DAP: variants seen among roughly 807,000 people sequenced by gnomAD.
DAP encodes death-associated protein 1.
Under a neutral mutation model 13.8 loss-of-function variants are expected in DAP, and 8 were observed. The observed-to-expected ratio is 0.58, with a 90% CI of 0.34 to 1.05. The LOEUF is 1.05. Among genes scored for constraint, DAP ranks in the 50% least tolerant of loss-of-function variants. The pLI is 0.03. For synonymous variants in DAP, 47 were observed against 47.5 expected, an observed-to-expected ratio of 0.99 and a Z score of 0.04; for missense variants, 106 against 133.2, an observed-to-expected ratio of 0.80 and a Z score of 1.01.
chr5:10,712,583 T>G (rs1021627472), intron 2 of DAP, among the ~76,000 whole-genome samples: 3 of 152,004 alleles, frequency 2.0e-5, no homozygotes, highest in Non-Finnish European at 4.4e-5. Context: ...ATGGAAAAGG[T>G]AGACATTGAT....
intron 2 of DAP, among the ~76,000 whole-genome samples, chr5:10,693,124 G>A (rs1036905073): frequency 1.2e-4 from 18 of 148,972 alleles, no homozygotes; most frequent in Admixed American, 6.7e-4. Flanking sequence ...ACATGCACAC[G>A]CACACACACA....
intron 2 of DAP, among the ~76,000 whole-genome samples, chr5:10,700,937 T>C (rs955336463): frequency 6.6e-6 from 1 of 152,242 alleles, no homozygotes; most frequent in Non-Finnish European, 1.5e-5. Context: ...AAAACAGAAC[T>C]TTCCCAGAAA....
intron 2 of DAP, among the ~76,000 whole-genome samples, chr5:10,706,688 A>G (rs2126648681): frequency 6.6e-6 from 1 of 152,366 alleles, no homozygotes; most frequent in East Asian, 1.9e-4. Flanking sequence ...TTTATGAGAC[A>G]AAAATGATGA....
At chr5:10,682,257 C>T (rs565738321) in intron 3 of DAP, among the ~76,000 whole-genome samples, 1 of 150,110 alleles carries the variant, frequency 6.7e-6, no homozygotes, top group Non-Finnish European at 1.5e-5. Flanking sequence ...CAGCAACCAG[C>T]CTCCCTGCAG....
At chr5:10,736,420 G>A (rs983356469) in intron 2 of DAP, among the ~76,000 whole-genome samples, 6 of 152,162 alleles carry the variant, frequency 3.9e-5, no homozygotes, top group Non-Finnish European at 5.9e-5. Context: ...AGGACAGCCT[G>A]CAGCCTCTGG....
In DAP at chr5:10,707,671, T is replaced by A. The variant is rs990364108; in HGVS notation, c.153-24100A>T. Among the ~76,000 whole-genome samples the A allele has an allele frequency of 2.0e-5, 3 of 152,088 alleles. No homozygotes were observed. Among genetic ancestry groups the A allele is most frequent in the Non-Finnish European group, 4.4e-5 (3 of 68,026 alleles). On this transcript the variant is annotated intron_variant, in intron 2 of 3. Transcript: ENST00000230895. This position sits in a 1 kb window ranked among gnomAD's most constrained non-coding sequence, Gnocchi z 4.0. ...CACGGGTGGTGTGATTTGCGATCAGTGTGGTGCACAGGCGGCGTGATGTAC... is the reference window on the plus strand; with the variant it reads ...CACGGGTGGTGTGATTTGCGATCAGAGTGGTGCACAGGCGGCGTGATGTAC...
intron 2 of DAP, among the ~76,000 whole-genome samples, chr5:10,699,725 C>A (rs1398418636): frequency 1.3e-5 from 2 of 151,180 alleles, no homozygotes; most frequent in African/African-American, 4.9e-5. Context: ...ATGAGCCTTT[C>A]CAGAGAGGAA....
At chr5:10,728,739 T>C (rs1194920182) in intron 2 of DAP, among the ~76,000 whole-genome samples, 1 of 152,172 alleles carries the variant, frequency 6.6e-6, no homozygotes, top group Non-Finnish European at 1.5e-5. Flanking sequence ...GACAGGGGGC[T>C]GAGGGGCTAA....
intron 2 of DAP, chr5:10,733,911 T>G (rs946171365): frequency 2.6e-5 from 4 of 152,240 alleles, no homozygotes; most frequent in African/African-American, 9.6e-5. Context: ...TAAAAAGTAC[T>G]TAAAAACTTC....
intron 2 of DAP, among the ~76,000 whole-genome samples, chr5:10,716,602 C>T (rs550289528): frequency 3.5e-4 from 53 of 152,218 alleles, no homozygotes; most frequent in South Asian, 1.0e-3. Flanking sequence ...GCCTAGCCTC[C>T]CAGCCTACAT....
At chr5:10,755,823 C>T (rs1740169095) in intron 1 of DAP, among the ~76,000 whole-genome samples, 1 of 152,186 alleles carries the variant, frequency 6.6e-6, no homozygotes, top group Admixed American at 6.5e-5. Flanking sequence ...AGGACACTCA[C>T]AAAGACGTTA....
At chr5:10,744,939 T>C (rs1011472946) in intron 2 of DAP, among the ~76,000 whole-genome samples, 7 of 152,200 alleles carry the variant, frequency 4.6e-5, no homozygotes, top group African/African-American at 2.4e-5. Flanking sequence ...CTCAGAGCTC[T>C]TGAAGAGGGA....
chr5:10,696,094 G>A (rs1338837326), intron 2 of DAP, among the ~76,000 whole-genome samples: 5 of 152,156 alleles, frequency 3.3e-5, no homozygotes, highest in Non-Finnish European at 7.4e-5. Context: ...TCAGTTTCTG[G>A]CGTGTGGATC....
intron 2 of DAP, among the ~76,000 whole-genome samples, chr5:10,720,809 C>A (rs1393538916): frequency 6.6e-6 from 1 of 152,222 alleles, no homozygotes; most frequent in East Asian, 1.9e-4. Flanking sequence ...AAGATGGCAT[C>A]ATGGCAGAAA....
rs149148919 is a variant in DAP at position 10,687,844 on chromosome 5, A to T, written c.153-4273T>A. Among the ~76,000 whole-genome samples, 28 of 152,144 alleles carry T rather than the reference A, an allele frequency of 1.8e-4. 1 individual carries two copies. The East Asian group carries it at 4.2e-3, about 23-fold the overall frequency. On this transcript the variant is annotated intron_variant, in intron 2 of 3. Coordinates refer to ENST00000230895, the MANE Select transcript of DAP (RefSeq NM_004394.3). ...CAAACAACATTGTATGCTGCAGAGA[A>T]ATCTTTCTTTCCTGAAAGGAAGAGT...
At chr5:10,690,039 A>AAAT (rs1291545574) in intron 2 of DAP, among the ~76,000 whole-genome samples, 4 of 152,202 alleles carry the variant, frequency 2.6e-5, no homozygotes, top group African/African-American at 2.4e-5. Context: ...CACTGGTAAG[A>AAAT]AATAAGGCAC....
Position 10,761,222 on chromosome 5 carries a change from T to C in DAP, c.-154A>G. On this transcript the variant is annotated 5_prime_UTR_variant, in exon 1 of 4. Transcript: ENST00000230895. ...GCCGGGGCCGCGCGAGCCGGGTGAG[T>C]GCCACTGCCGTTAAGGGGGCGCGGC... 4.1e-6 allele frequency: 1 copy of C among 245,692 alleles called. No individual in the cohort carries two copies. The highest frequency in any genetic ancestry group is 7.3e-6 in the Non-Finnish European group (1 of 136,496). The allele number at this position is 245,692 out of a possible 1,614,324, so 15.2% of individuals were successfully genotyped here. A position where few individuals can be genotyped will look rare whatever the true frequency, so the allele number is the denominator to read the frequency against.
intron 2 of DAP, among the ~76,000 whole-genome samples, chr5:10,702,395 G>A (rs1243059180): frequency 6.6e-6 from 1 of 152,212 alleles, no homozygotes. Flanking sequence ...AGAGCGATTA[G>A]AGATAGTGGA....
chr5:10,698,850 G>C (rs1237186313), intron 2 of DAP, among the ~76,000 whole-genome samples: 1 of 152,060 alleles, frequency 6.6e-6, no homozygotes, highest in East Asian at 1.9e-4. Context: ...ATAAAATGAA[G>C]GTATGTTCCA....
Sources: gnomAD v4.1 joint callset for allele counts (sites outside exome capture counted in the v4.1 genomes callset) on GRCh38, gnomAD v4.1.1 for gene constraint, Gnocchi (gnomAD v3.1) non-coding constraint, MANE v1.5 for transcripts, NCBI Gene and HGNC (gene_info 2026-07-23, HGNC 2026-07-21) for gene names.